Variants in CTNNA2 observed in about 807,000 individuals in gnomAD.
CTNNA2 encodes catenin alpha 2.
CTNNA2 carries 42 observed loss-of-function variants against 101.0 expected under a neutral mutation model. That is an observed-to-expected ratio of 0.42 (90% CI 0.32 to 0.54). CTNNA2 has a LOEUF of 0.54. CTNNA2 is among the 20% of genes least tolerant of loss of function. The pLI, the probability that CTNNA2 is intolerant of heterozygous loss-of-function variation, is 0.14. For synonymous variants in CTNNA2, 450 were observed against 456.4 expected (o/e 0.99, Z 0.18); for missense variants, 871 against 1,223.1 (o/e 0.71, Z 4.29).
rs2149406410 is a variant in CTNNA2, at chr2:80,419,504, C to T, written c.1193C>T (p.Pro398Leu). The change falls in exon 9 of 19, where the codon CCT becomes CTT. Residue 398 changes from proline to leucine, a missense_variant. Physicochemically the swap from Pro to Leu is moderately conservative, Grantham distance 98. This residue lies in a region of CTNNA2 where 647 missense variants were observed against 831.5 expected (regional missense o/e 0.78). Transcript: ENST00000402739. ...GACTCTTTCCTGGAAACCAATGTTCCTTTGCTAGTTCTCATTGAGGCTGCA... is the reference window on the plus strand; with the variant it reads ...GACTCTTTCCTGGAAACCAATGTTCTTTTGCTAGTTCTCATTGAGGCTGCA... ...ISDSFLETNV[P>L]LLVLIEAAKS... 6.2e-7 allele frequency: 1 copy of T among 1,613,506 alleles called. No homozygotes were observed. Among genetic ancestry groups the T allele is most frequent in the East Asian group, 2.2e-5 (1 of 44,824 alleles).
intron 15 of CTNNA2, among the ~76,000 whole-genome samples, chr2:80,593,799 T>G (rs1696716701): frequency 6.6e-6 from 1 of 152,176 alleles, no homozygotes; most frequent in African/African-American, 2.4e-5. Context: ...TAGCATATAC[T>G]CAAATGCGTT....
intron 7 of CTNNA2, among the ~76,000 whole-genome samples, chr2:79,930,773 A>G (rs953828584): frequency 3.3e-5 from 5 of 152,204 alleles, no homozygotes; most frequent in African/African-American, 1.2e-4. Flanking sequence ...CTCTAGTATG[A>G]TTTCTTTAAG....
intron 7 of CTNNA2, among the ~76,000 whole-genome samples, chr2:80,354,680 G>A (rs1388586899): frequency 6.6e-6 from 1 of 152,118 alleles, no homozygotes; most frequent in Non-Finnish European, 1.5e-5. Context: ...CAGAATGATA[G>A]GGAAATATAT....
intron 7 of CTNNA2, chr2:80,313,486 A>G (rs1677801107): frequency 3.8e-6 from 6 of 1,559,658 alleles, no homozygotes; most frequent in Non-Finnish European, 5.2e-6. Context: ...AGAGATGTAA[A>G]CAAGAGCTGT....
chr2:80,247,268 A>G (rs1262486582), intron 7 of CTNNA2, among the ~76,000 whole-genome samples: 3 of 152,132 alleles, frequency 2.0e-5, no homozygotes, highest in African/African-American at 7.2e-5. Context: ...TTAAATTGGG[A>G]AGCTTTGGAC....
Position 80,302,876 on chromosome 2 carries a change from A to G in CTNNA2, c.1057-90335A>G, listed in dbSNP as rs1204578315. On this transcript the variant is annotated intron_variant, in intron 7 of 18. Coordinates refer to ENST00000402739, the MANE Select transcript of CTNNA2 (RefSeq NM_001282597.3). The surrounding 1 kb of genome is among the most constrained non-coding windows in gnomAD (Gnocchi z 6.4). ...ACACACGTTGCGCCCGCAATCCCACAGGTTCCCGGCCAGGGTGATGCTTGT... is the reference window on the plus strand; with the variant it reads ...ACACACGTTGCGCCCGCAATCCCACGGGTTCCCGGCCAGGGTGATGCTTGT... 1 of 1,614,124 alleles carries G rather than the reference A, an allele frequency of 6.2e-7. No individual in the cohort carries two copies. The highest frequency in any genetic ancestry group is 2.2e-5 in the East Asian group (1 of 44,860).
chr2:80,529,060 C>G (rs977826513), intron 9 of CTNNA2, among the ~76,000 whole-genome samples: 15 of 152,166 alleles, frequency 9.9e-5, no homozygotes, highest in African/African-American at 3.4e-4. Flanking sequence ...TGATCAGTGG[C>G]AAAGATTGCT....
intron 2 of CTNNA2, among the ~76,000 whole-genome samples, chr2:79,667,542 T>C (rs998088059): frequency 2.0e-5 from 3 of 152,174 alleles, no homozygotes; most frequent in African/African-American, 7.2e-5. Flanking sequence ...AAATGAAAAA[T>C]CTGTATTTTT....
At chr2:80,081,775 G>A (rs1699169321) in intron 7 of CTNNA2, among the ~76,000 whole-genome samples, 2 of 121,698 alleles carry the variant, frequency 1.6e-5, no homozygotes, top group Non-Finnish European at 3.2e-5. Flanking sequence ...ATTTCTGTGT[G>A]TGTCTGTGTT....
intron 16 of CTNNA2, among the ~76,000 whole-genome samples, chr2:80,607,935 T>G (rs1286570011): frequency 2.0e-5 from 3 of 151,898 alleles, no homozygotes; most frequent in Admixed American, 2.0e-4. Flanking sequence ...CATAAACATG[T>G]ATAGAAGTCC....
intron 1 of CTNNA2, among the ~76,000 whole-genome samples, chr2:79,637,903 T>C (rs1234212506): frequency 1.3e-5 from 2 of 152,240 alleles, no homozygotes; most frequent in Non-Finnish European, 2.9e-5. Context: ...ACCATCACTA[T>C]TGACCTGACA....
At chr2:79,975,777 G>A (rs1480415818) in intron 7 of CTNNA2, among the ~76,000 whole-genome samples, 3 of 152,196 alleles carry the variant, frequency 2.0e-5, no homozygotes, top group African/African-American at 7.2e-5. Context: ...AAGGGGAGTG[G>A]AGCTCCTATG....
At position 79,694,726 on chromosome 2, in the gene CTNNA2, C is replaced by T. The variant is rs79180559; in HGVS notation, c.102+43068C>T. 7.9e-3 allele frequency among the ~76,000 whole-genome samples: 1,205 copies of T among 151,966 alleles called. 40 individuals carry two copies. In the East Asian group the frequency reaches 0.099, roughly 12 times the overall value. On this transcript the variant is annotated intron_variant, in intron 2 of 18. Coordinates refer to ENST00000402739, the MANE Select transcript of CTNNA2 (RefSeq NM_001282597.3). ...GTTTTTCTGCTGTGTCAGTTAGTTA[C>T]TGTTCTAAATTCTTTCATGTCCCCA...
intron 1 of CTNNA2, among the ~76,000 whole-genome samples, chr2:79,553,548 T>C (rs555454195): frequency 1.3e-5 from 2 of 152,250 alleles, no homozygotes; most frequent in South Asian, 4.2e-4. Context: ...AGGCTTAACA[T>C]GAAGCATGGC....
intron 7 of CTNNA2, among the ~76,000 whole-genome samples, chr2:79,980,386 A>G (rs767347008): frequency 1.3e-5 from 2 of 152,152 alleles, no homozygotes; most frequent in Admixed American, 1.3e-4. Context: ...AAACAGGGCT[A>G]TGACATTGAT....
intron 15 of CTNNA2, among the ~76,000 whole-genome samples, chr2:80,595,406 T>C (rs1363759905): frequency 6.6e-6 from 1 of 152,192 alleles, no homozygotes; most frequent in Non-Finnish European, 1.5e-5. Context: ...TAAGATCATG[T>C]CACCTGTTAA....
intron 7 of CTNNA2, among the ~76,000 whole-genome samples, chr2:79,980,655 T>C (rs72920892): frequency 0.037 from 5,564 of 152,264 alleles, 330 homozygotes; most frequent in African/African-American, 0.13. Context: ...TAAAATATAA[T>C]GTTAAGAGCA....
intron 7 of CTNNA2, among the ~76,000 whole-genome samples, chr2:80,026,081 C>A (rs564477501): frequency 6.6e-6 from 1 of 152,154 alleles, no homozygotes; most frequent in African/African-American, 2.4e-5. Flanking sequence ...AGATGAGGTT[C>A]TTGGGGAAGA....
At chr2:80,277,420 T>C (rs1442547819) in intron 7 of CTNNA2, among the ~76,000 whole-genome samples, 3 of 152,068 alleles carry the variant, frequency 2.0e-5, no homozygotes, top group African/African-American at 7.2e-5. Context: ...TTGCTCTTTC[T>C]ATGACTGGCC....
Sources: gnomAD v4.1 joint callset for allele counts (sites outside exome capture counted in the v4.1 genomes callset) on GRCh38, gnomAD v4.1.1 for gene constraint, gnomAD v4.1.1 regional missense constraint, Gnocchi (gnomAD v3.1) non-coding constraint, MANE v1.5 for transcripts, NCBI Gene and HGNC (gene_info 2026-07-23, HGNC 2026-07-21) for gene names.